C8orf34: variants seen among roughly 807,000 people sequenced by gnomAD.
C8orf34 encodes uncharacterized protein C8orf34.
A neutral mutation model predicts 68.3 loss-of-function variants in C8orf34; 65 were observed. That is an observed-to-expected ratio of 0.95 (90% CI 0.78 to 1.17). C8orf34 has a LOEUF of 1.17. Among genes scored for constraint, C8orf34 ranks in the 50% most tolerant of loss-of-function variants. C8orf34 has a pLI of 0.00. For missense variants in C8orf34, 664 were observed against 655.4 expected (o/e 1.01, Z -0.14); for synonymous variants, 244 against 241.2 (o/e 1.01, Z -0.11).
chr8:68,699,576 C>T (rs1820930102), intron 8 of C8orf34, among the ~76,000 whole-genome samples: 1 of 152,062 alleles, frequency 6.6e-6, no homozygotes, highest in Admixed American at 6.6e-5. Flanking sequence ...GTCATATCTG[C>T]CTGGAAAATC....
chr8:68,595,805 G>A (rs544308575), intron 7 of C8orf34, among the ~76,000 whole-genome samples: 151 of 151,934 alleles, frequency 9.9e-4, no homozygotes, highest in Admixed American at 2.8e-3. Flanking sequence ...GCTATGTTCA[G>A]GCAGAAATGC....
At chr8:68,723,934 CTTTG>C (rs764918905) in intron 10 of C8orf34, among the ~76,000 whole-genome samples, 2 of 152,074 alleles carry the variant, frequency 1.3e-5, no homozygotes, top group African/African-American at 2.4e-5. Flanking sequence ...TATAGGTCAA[CTTTG>C]TTTGTTTTTA....
At chr8:68,751,875 T>C (rs945436598) in intron 10 of C8orf34, among the ~76,000 whole-genome samples, 2 of 151,042 alleles carry the variant, frequency 1.3e-5, no homozygotes, top group Admixed American at 6.6e-5. Context: ...ATATTTGAAT[T>C]TTAAAAAATT....
At chr8:68,812,589 T>A (rs1456478458) in intron 12 of C8orf34, among the ~76,000 whole-genome samples, 2 of 152,158 alleles carry the variant, frequency 1.3e-5, no homozygotes, top group East Asian at 3.8e-4. Flanking sequence ...ATACATCACT[T>A]CTACCTAATT....
chr8:68,666,470 G>T (rs893927494), intron 8 of C8orf34, among the ~76,000 whole-genome samples: 17 of 152,206 alleles, frequency 1.1e-4, no homozygotes, highest in Non-Finnish European at 2.5e-4. Flanking sequence ...TAAAAAGGCA[G>T]AAATTCTTCC....
intron 1 of C8orf34, among the ~76,000 whole-genome samples, chr8:68,382,383 G>A (rs1242013104): frequency 6.6e-6 from 1 of 152,132 alleles, no homozygotes; most frequent in Non-Finnish European, 1.5e-5. Flanking sequence ...CTGTGATACA[G>A]AAATAATTAT....
Position 68,747,635 on chromosome 8 carries a change from A to G in C8orf34, c.1404+26198A>G, listed in dbSNP as rs979707077. On this transcript the variant is annotated intron_variant, in intron 10 of 13. Transcript: ENST00000518698. ...AATTATGAGGGAACTCCCATTCACA[A>G]TTGCTTCAAAGAGAATAAAATACCT... Among the ~76,000 whole-genome samples the G allele has an allele frequency of 1.4e-4, 22 of 152,174 alleles. No individual in the cohort carries two copies. The East Asian group carries it at 1.9e-3, about 13-fold the overall frequency.
chr8:68,720,294 T>C (rs529643113), intron 9 of C8orf34, among the ~76,000 whole-genome samples: 53 of 151,996 alleles, frequency 3.5e-4, no homozygotes, highest in Non-Finnish European at 7.4e-4. Flanking sequence ...TCTTCTTGAA[T>C]GTAAAATTCT....
intron 10 of C8orf34, among the ~76,000 whole-genome samples, chr8:68,770,663 A>AG (rs971918991): frequency 6.6e-6 from 1 of 152,194 alleles, no homozygotes; most frequent in African/African-American, 2.4e-5. Context: ...ATGGCAGTGA[A>AG]GGAAAGAGAA....
chr8:68,710,682 T>C (rs1275251814), intron 9 of C8orf34, among the ~76,000 whole-genome samples: 1 of 152,102 alleles, frequency 6.6e-6, no homozygotes, highest in Non-Finnish European at 1.5e-5. Flanking sequence ...CAACTGGTGG[T>C]CTTTCTTTAC....
chr8:68,680,477 G>A (rs1053270149), intron 8 of C8orf34, among the ~76,000 whole-genome samples: 10 of 152,116 alleles, frequency 6.6e-5, no homozygotes, highest in East Asian at 3.9e-4. Context: ...TGGTAAGACC[G>A]TGATGCCCCC....
At chr8:68,511,664 A>T (rs534843122) in intron 5 of C8orf34, among the ~76,000 whole-genome samples, 1 of 152,378 alleles carries the variant, frequency 6.6e-6, no homozygotes, top group East Asian at 1.9e-4. Context: ...ACATACTGAC[A>T]TGCTGATTCT....
At chr8:68,757,636 T>C (rs758624397) in intron 10 of C8orf34, among the ~76,000 whole-genome samples, 36 of 151,888 alleles carry the variant, frequency 2.4e-4, no homozygotes, top group Admixed American at 4.6e-4. Flanking sequence ...AATAAATAAA[T>C]AAATAAATAA....
chr8:68,448,017 G>A (rs1586160262), intron 3 of C8orf34: 1 of 152,044 alleles, frequency 6.6e-6, no homozygotes, highest in East Asian at 1.9e-4. Context: ...AATGAATAAA[G>A]TCTCAGTATC....
chr8:68,502,053 A>G (rs1050001926), intron 5 of C8orf34, among the ~76,000 whole-genome samples: 4 of 151,876 alleles, frequency 2.6e-5, no homozygotes, highest in Non-Finnish European at 4.4e-5. Context: ...GTCTTTAAGG[A>G]TGTTTTTTGT....
intron 8 of C8orf34, among the ~76,000 whole-genome samples, chr8:68,657,309 G>A (rs1054719223): frequency 6.6e-6 from 1 of 152,112 alleles, no homozygotes. Flanking sequence ...AAGAGGTGGG[G>A]CCTTTGGGAG....
At chr8:68,453,998 T>C (rs1175738885) in intron 3 of C8orf34, among the ~76,000 whole-genome samples, 1 of 152,036 alleles carries the variant, frequency 6.6e-6, no homozygotes, top group African/African-American at 2.4e-5. Flanking sequence ...GTGTCGCATT[T>C]TTTTCCAGTG....
chr8:68,581,126 G>A (rs1178464212), intron 7 of C8orf34, among the ~76,000 whole-genome samples: 1 of 152,106 alleles, frequency 6.6e-6, no homozygotes, highest in African/African-American at 2.4e-5. Flanking sequence ...TGGGACACGA[G>A]GGCCTTCATA....
intron 1 of C8orf34, among the ~76,000 whole-genome samples, chr8:68,417,915 C>T (rs1481688836): frequency 1.3e-5 from 2 of 151,718 alleles, no homozygotes; most frequent in South Asian, 2.1e-4. Context: ...ATTGATTCTT[C>T]CTACCCATGA....
Sources: gnomAD v4.1 joint callset for allele counts (sites outside exome capture counted in the v4.1 genomes callset) on GRCh38, gnomAD v4.1.1 for gene constraint, MANE v1.5 for transcripts, NCBI Gene and HGNC (gene_info 2026-07-23, HGNC 2026-07-21) for gene names.